The following BBS9 variants were observed in gnomAD, a reference collection of about 807,000 sequenced individuals.
The protein encoded by BBS9 is Bardet-Biedl syndrome 9.
A neutral mutation model predicts 117.7 loss-of-function variants in BBS9; 89 were observed. That is an observed-to-expected ratio of 0.76 (90% confidence interval 0.64 to 0.90). The LOEUF (loss-of-function observed/expected upper bound fraction) is 0.90. Ranked by LOEUF, BBS9 falls within the 40% of genes least tolerant of loss-of-function variation. The pLI, the probability that BBS9 is intolerant of heterozygous loss-of-function variation, is 0.00. For missense variants in BBS9, 982 were observed against 1,042.2 expected, an observed-to-expected ratio of 0.94 and a Z score of 0.80; for synonymous variants, 379 against 370.9, an observed-to-expected ratio of 1.02 and a Z score of -0.25.
chr7:33,389,687 TAAAAAAAAAAAAA>T (rs5883400), intron 19 of BBS9, among the ~76,000 whole-genome samples: 1 of 91,962 alleles, frequency 1.1e-5, no homozygotes, highest in Non-Finnish European at 2.1e-5. Context: ...AGACTCCATC[TAAAAAAAAAAAAA>T]AAAAAAAAAA....
chr7:33,367,518 C>G (rs1822008465), intron 16 of BBS9, among the ~76,000 whole-genome samples: 1 of 152,140 alleles, frequency 6.6e-6, no homozygotes, highest in Non-Finnish European at 1.5e-5. Flanking sequence ...TGCACGTGTT[C>G]TGTCTCATAT....
chr7:33,183,178 C>T (rs570450360), intron 5 of BBS9, among the ~76,000 whole-genome samples: 1 of 152,066 alleles, frequency 6.6e-6, no homozygotes, highest in Non-Finnish European at 1.5e-5. Flanking sequence ...TAGGGTTCCA[C>T]GAGGGAAACA....
chr7:33,302,352 C>T (rs1806653155), intron 9 of BBS9, among the ~76,000 whole-genome samples: 1 of 152,124 alleles, frequency 6.6e-6, no homozygotes, highest in Non-Finnish European at 1.5e-5. Flanking sequence ...AATCTTTGAG[C>T]AGTCTAATAT....
chr7:33,203,543 G>A (rs1367193960), intron 5 of BBS9, among the ~76,000 whole-genome samples: 1 of 152,118 alleles, frequency 6.6e-6, no homozygotes, highest in African/African-American at 2.4e-5. Context: ...GATTTGAGAA[G>A]TTTGGGGTAC....
intron 9 of BBS9, among the ~76,000 whole-genome samples, chr7:33,292,942 G>A (rs1804374137): frequency 6.6e-6 from 1 of 150,956 alleles, no homozygotes; most frequent in African/African-American, 2.4e-5. Context: ...GGCGGCAGAG[G>A]TTGCAGTCAG....
chr7:33,357,823 C>A, intron 15 of BBS9, 32 bp from the exon 16 acceptor site: 3 of 1,602,174 alleles, frequency 1.9e-6, no homozygotes, highest in Non-Finnish European at 2.6e-6. Flanking sequence ...TTTGTCAAGT[C>A]TATGAATCTA....
intron 2 of BBS9, among the ~76,000 whole-genome samples, chr7:33,151,921 G>A (rs1208230443): frequency 1.4e-5 from 2 of 138,754 alleles, no homozygotes; most frequent in Admixed American, 1.6e-4. Flanking sequence ...ACAGTGGCAC[G>A]ATTAGAGCTC....
At chr7:33,601,113 C>T (rs1863727991) in intron 21 of BBS9, among the ~76,000 whole-genome samples, 1 of 152,116 alleles carries the variant, frequency 6.6e-6, no homozygotes, top group South Asian at 2.1e-4. Flanking sequence ...GGGCACTGAG[C>T]CCTTTGTGAC....
intron 19 of BBS9, among the ~76,000 whole-genome samples, chr7:33,424,560 A>T (rs1311483322): frequency 6.6e-6 from 1 of 152,210 alleles, no homozygotes; most frequent in African/African-American, 2.4e-5. Flanking sequence ...TAGTAAGAGA[A>T]TATCTCAAAA....
At chr7:33,575,453 A>G (rs551739188) in intron 21 of BBS9, among the ~76,000 whole-genome samples, 23 of 152,270 alleles carry the variant, frequency 1.5e-4, no homozygotes, top group Admixed American at 2.0e-4. Context: ...GACCAGATGG[A>G]TTCACGGCCA....
At chr7:33,366,579 C>G (rs1419124014) in intron 16 of BBS9, among the ~76,000 whole-genome samples, 1 of 113,592 alleles carries the variant, frequency 8.8e-6, no homozygotes, top group East Asian at 2.9e-4. Flanking sequence ...GAGTCTCACT[C>G]TGTTGCCCAG....
chr7:33,422,048 T>C (rs561438631), intron 19 of BBS9, among the ~76,000 whole-genome samples: 9 of 152,306 alleles, frequency 5.9e-5, no homozygotes, highest in African/African-American at 2.2e-4. Context: ...TTGGATTATG[T>C]ATAAATATAA....
chr7:33,361,539 C>G (rs1046630254), intron 16 of BBS9, among the ~76,000 whole-genome samples: 1 of 151,982 alleles, frequency 6.6e-6, no homozygotes, highest in Non-Finnish European at 1.5e-5. Flanking sequence ...ACGTTATACT[C>G]CCAGCATCAA....
intron 21 of BBS9, among the ~76,000 whole-genome samples, chr7:33,576,058 C>T (rs1228079109): frequency 6.6e-6 from 1 of 152,074 alleles, no homozygotes; most frequent in Non-Finnish European, 1.5e-5. Flanking sequence ...CTGGCCAGGG[C>T]AACCAGACAA....
chr7:33,247,231 G>A (rs181082398), intron 5 of BBS9, among the ~76,000 whole-genome samples: 6 of 152,230 alleles, frequency 3.9e-5, no homozygotes, highest in African/African-American at 1.4e-4. Context: ...AACATTTAGT[G>A]AATGCTTGCT....
chr7:33,565,422 T>A (rs114491789), intron 21 of BBS9, among the ~76,000 whole-genome samples: 3,563 of 152,170 alleles, frequency 0.023, 129 homozygotes, highest in African/African-American at 0.079. Flanking sequence ...GCTGAAACAT[T>A]TGTGAGCTCC....
intron 5 of BBS9, among the ~76,000 whole-genome samples, chr7:33,200,756 G>A (rs1056458491): frequency 2.0e-4 from 31 of 151,974 alleles, no homozygotes; most frequent in African/African-American, 7.0e-4. Context: ...GAGTAATTTT[G>A]TTTTGCTCTT....
intron 5 of BBS9, among the ~76,000 whole-genome samples, chr7:33,203,573 T>G (rs1786304832): frequency 6.6e-6 from 1 of 152,160 alleles, no homozygotes; most frequent in African/African-American, 2.4e-5. Context: ...ATGTGCATTT[T>G]TAATGTACCC....
intron 2 of BBS9, among the ~76,000 whole-genome samples, chr7:33,148,620 C>T (rs1196063055): frequency 6.6e-6 from 1 of 150,906 alleles, no homozygotes; most frequent in Non-Finnish European, 1.5e-5. Flanking sequence ...GCCTCGGCCT[C>T]ACAAAGTGCT....
Sources: gnomAD v4.1 joint callset for allele counts (sites outside exome capture counted in the v4.1 genomes callset) on GRCh38, gnomAD v4.1.1 for gene constraint, MANE v1.5 for transcripts, NCBI Gene and HGNC (gene_info 2026-07-23, HGNC 2026-07-21) for gene names.